C4orf50: variants seen among roughly 807,000 people sequenced by gnomAD.
The protein encoded by C4orf50 is uncharacterized protein C4orf50.
In C4orf50, 80 loss-of-function variants were observed where a neutral mutation model predicts 77.2. That is an observed-to-expected ratio of 1.04 (90% CI 0.87 to 1.25). The LOEUF (loss-of-function observed/expected upper bound fraction) is 1.25, where lower values mean the gene tolerates loss of function less well. C4orf50 is among the 50% of genes most tolerant of loss of function. The pLI is 0.00. For synonymous variants in C4orf50, 532 were observed against 465.3 expected, an observed-to-expected ratio of 1.14 and a Z score of -1.84; for missense variants, 1,257 against 1,152.9, an observed-to-expected ratio of 1.09 and a Z score of -1.31.
intron 31 of C4orf50, among the ~76,000 whole-genome samples, chr4:5,969,543 C>T (rs1719780900): frequency 6.6e-6 from 1 of 151,928 alleles, no homozygotes; most frequent in African/African-American, 2.4e-5. Flanking sequence ...GGATGACTCT[C>T]CCCTGCTAGT....
rs1169251334 is a variant in C4orf50, at chr4:5,908,552, G to A, written c.*2475-10364C>T. ...AGACAATGGCAGAGACTCCAAGCAG[G>A]GAGACGACCATGCGATGGGGAGGGG... On this transcript the variant is annotated intron_variant, in intron 7 of 7. Coordinates refer to the C4orf50 transcript ENST00000324058. This position sits in a 1 kb window ranked among gnomAD's most constrained non-coding sequence, Gnocchi z 5.6. Among the ~76,000 whole-genome samples, 1 of 152,018 alleles carries A rather than the reference G, an allele frequency of 6.6e-6. No individual in the cohort carries two copies. Among genetic ancestry groups the A allele is most frequent in the African/African-American group, 2.4e-5 (1 of 41,404 alleles).
chr4:5,904,701 T>A (rs567717689), intron 7 of C4orf50: 1 of 152,318 alleles, frequency 6.6e-6, no homozygotes, highest in South Asian at 2.1e-4. Context: ...TATTTGCAAA[T>A]CTGATGAAAT....
rs181809423 is a variant in C4orf50 at position 6,016,060 on chromosome 4, T to C, written c.287+2085A>G. Among the ~76,000 whole-genome samples, 23 of 152,324 alleles carry C rather than the reference T, an allele frequency of 1.5e-4. No homozygotes were observed. In the East Asian group the frequency reaches 2.9e-3, roughly 19 times the overall value. On this transcript the variant is annotated intron_variant, in intron 23 of 33. Coordinates refer to ENST00000531445, the Ensembl canonical transcript of C4orf50. ...CACCTGTGACCCTGAACTGGAACAA[T>C]TGGGTAAATAATCATCTTACTTGTG...
rs1401700375 is a variant in C4orf50, at chr4:5,992,871, C to T, written c.1153G>A (p.Val385Ile). Residue 385 changes from valine to isoleucine, a missense_variant, in exon 27 of 34, where the codon GTT (valine) becomes ATT (isoleucine). Physicochemically the swap from Val to Ile is conservative, Grantham distance 29 (BLOSUM62 3). Coordinates refer to ENST00000531445, the Ensembl canonical transcript of C4orf50. The surrounding 1 kb of genome is among the most constrained non-coding windows in gnomAD (Gnocchi z 5.0). Reference sequence around the variant, plus strand: ...GTGGTCTCCGGGCCTGGAGCCAAAACAGAAGAGGCCCGTCCAGGCCTGATG... The same window carrying T: ...GTGGTCTCCGGGCCTGGAGCCAAAATAGAAGAGGCCCGTCCAGGCCTGATG... The T allele has an allele frequency of 2.5e-6, 1 of 399,020 alleles. No individual in the cohort carries two copies. Among genetic ancestry groups the T allele is most frequent in the Non-Finnish European group, 4.4e-6 (1 of 226,140 alleles). The allele number at this position is 399,020 out of a possible 1,614,324, so 24.7% of individuals were successfully genotyped here.
rs771958095 is a variant in C4orf50, at chr4:5,934,703, G to A, written c.*2474+22198C>T. Among the ~76,000 whole-genome samples the A allele has an allele frequency of 8.5e-5, 13 of 152,290 alleles. No individual in the cohort carries two copies. The East Asian group carries it at 1.7e-3, about 20-fold the overall frequency. On this transcript the variant is annotated intron_variant, in intron 7 of 7. Transcript: ENST00000324058. Reference sequence around the variant, plus strand: ...CATGTGTGTCTGGCTGTCCTGGCCCGTGAGCTCCTGAAGCCTAGAACGAGG... The same window carrying A: ...CATGTGTGTCTGGCTGTCCTGGCCCATGAGCTCCTGAAGCCTAGAACGAGG...
In C4orf50 at chr4:5,905,692, TG is replaced by T. The variant is rs1464559182; in HGVS notation, c.*2475-7505del. On this transcript the variant is annotated intron_variant, in intron 7 of 7. Coordinates refer to the C4orf50 transcript ENST00000324058. This position sits in a 1 kb window ranked among gnomAD's most constrained non-coding sequence, Gnocchi z 5.4. The stretch of plus-strand genomic sequence containing the variant: ...CTTTATTTGGGGTGCTTCAGACCCT[TG>T]ACATGATATGGAAATTTTATGTTAC... 6.6e-6 allele frequency among the ~76,000 whole-genome samples: 1 copy of T among 152,230 alleles called. No homozygotes were observed. The highest frequency in any genetic ancestry group is 2.4e-5 in the African/African-American group (1 of 41,462).
chr4:5,960,607 G>C (rs1267360671), intron 33 of C4orf50, among the ~76,000 whole-genome samples: 1 of 152,232 alleles, frequency 6.6e-6, no homozygotes, highest in Non-Finnish European at 1.5e-5. Context: ...TTCCAATCCA[G>C]TGGGAGAGGC....
exon 28 of C4orf50, chr4:5,989,572 C>T (rs1229032882): frequency 6.5e-7 from 1 of 1,536,160 alleles, no homozygotes; most frequent in East Asian, 2.4e-5. Context: ...CTGCCAGCCC[C>T]TGCTGCCCGG....
chr4:5,911,531 G>A (rs1012638664), intron 7 of C4orf50, among the ~76,000 whole-genome samples: 1 of 152,184 alleles, frequency 6.6e-6, no homozygotes, highest in African/African-American at 2.4e-5. Flanking sequence ...TGGTTCCCTG[G>A]CTGCCTACAG....
intron 33 of C4orf50, among the ~76,000 whole-genome samples, chr4:5,964,733 A>T (rs1224016396): frequency 8.0e-5 from 11 of 138,120 alleles, no homozygotes; most frequent in Admixed American, 4.7e-4. Flanking sequence ...GCGCCACTGC[A>T]CTCCAGCCTG....
At chr4:5,967,978 G>A (rs1021679183) in intron 31 of C4orf50, among the ~76,000 whole-genome samples, 1 of 152,218 alleles carries the variant, frequency 6.6e-6, no homozygotes, top group African/African-American at 2.4e-5. Context: ...CCAAGTGGTT[G>A]AGCAAGAGCA....
At chr4:5,904,352 G>A (rs919692033) in intron 7 of C4orf50, 2 of 152,338 alleles carry the variant, frequency 1.3e-5, no homozygotes, top group African/African-American at 4.8e-5. Flanking sequence ...GAGCTGAAAT[G>A]AGGCTGCATG....
intron 28 of C4orf50, among the ~76,000 whole-genome samples, chr4:5,981,561 C>T (rs1369305318): frequency 1.3e-5 from 2 of 152,026 alleles, no homozygotes; most frequent in African/African-American, 2.4e-5. Context: ...TGTGCCACCA[C>T]ACCCGGCTAA....
intron 7 of C4orf50, among the ~76,000 whole-genome samples, chr4:5,925,119 T>G (rs1391142298): frequency 6.6e-6 from 1 of 151,844 alleles, no homozygotes; most frequent in African/African-American, 2.4e-5. Flanking sequence ...CCACTTGGGT[T>G]GGGAGGGAGA....
At chr4:5,910,610 A>C (rs1341782651) in intron 7 of C4orf50, among the ~76,000 whole-genome samples, 4 of 152,040 alleles carry the variant, frequency 2.6e-5, no homozygotes, top group African/African-American at 9.7e-5. Context: ...CACAATAATC[A>C]CCCCACTCGA....
At chr4:5,954,639 G>A (rs1718871751), downstream of C4orf50, among the ~76,000 whole-genome samples, 1 of 152,120 alleles carries the variant, frequency 6.6e-6, no homozygotes, top group Admixed American at 6.5e-5. This position sits in a 1 kb window ranked among gnomAD's most constrained non-coding sequence, Gnocchi z 4.7. Context: ...GTGCCAGCCT[G>A]TATTCGATTC....
rs897663417 is a variant in C4orf50 at position 5,900,107 on chromosome 4, C to A, written c.*2475-1919G>T. ...TTGGCTGAGTTCTCAGAAGGTTTCA[C>A]GTTTCAGACCTAGAATTTCACCCTG... On this transcript the variant is annotated intron_variant, in intron 7 of 7. Transcript: ENST00000324058. The surrounding 1 kb of genome is among the most constrained non-coding windows in gnomAD (Gnocchi z 4.3). 2 of 152,160 alleles carry A rather than the reference C, an allele frequency of 1.3e-5. No individual in the cohort carries two copies. Among genetic ancestry groups the A allele is most frequent in the Non-Finnish European group, 2.9e-5 (2 of 68,034 alleles). The allele number at this position is 152,160 out of a possible 1,614,324, so 9.4% of individuals were successfully genotyped here.
Position 5,992,938 on chromosome 4 carries a change from G to T in C4orf50, c.1094-8C>A. 1 of 399,048 alleles carries T rather than the reference G, an allele frequency of 2.5e-6. No homozygotes were observed. Among genetic ancestry groups the T allele is most frequent in the Non-Finnish European group, 4.4e-6 (1 of 226,082 alleles). 24.7% of individuals were successfully genotyped at this position (399,048 alleles called of 1,614,324 possible). A position where few individuals can be genotyped will look rare whatever the true frequency, so the allele number is the denominator to read the frequency against. On this transcript the variant is annotated splice_polypyrimidine_tract_variant and splice_region_variant and intron_variant, in intron 26 of 33. Coordinates refer to ENST00000531445, the Ensembl canonical transcript of C4orf50. This position sits in a 1 kb window ranked among gnomAD's most constrained non-coding sequence, Gnocchi z 5.0. ...GCCCCTCTGGGGACTGGCCTGGAAA[G>T]CAACAAGACCCTGGGGGTTACAAAG...
At chr4:5,915,418 T>C (rs1292741839) in intron 7 of C4orf50, among the ~76,000 whole-genome samples, 2 of 152,240 alleles carry the variant, frequency 1.3e-5, no homozygotes, top group African/African-American at 4.8e-5. Flanking sequence ...TTCTCCTTTG[T>C]CATCTCCTAG....
Sources: allele counts gnomAD v4.1 joint callset (sites outside exome capture counted in the v4.1 genomes callset), GRCh38; gene constraint gnomAD v4.1.1; non-coding constraint Gnocchi (gnomAD v3.1); transcripts MANE v1.5; gene names NCBI Gene and HGNC (gene_info 2026-07-23, HGNC 2026-07-21).